RABGAP1L: variants seen among roughly 807,000 people sequenced by gnomAD.
RABGAP1L encodes RAB GTPase activating protein 1 like.
Under a neutral mutation model 137.7 loss-of-function variants are expected in RABGAP1L, and 63 were observed. The observed-to-expected ratio is 0.46, with a 90% confidence interval of 0.37 to 0.56. The LOEUF (loss-of-function observed/expected upper bound fraction) is 0.56, where lower values mean the gene tolerates loss of function less well. Among genes scored for constraint, RABGAP1L ranks in the 20% least tolerant of loss-of-function variants. The pLI is 0.00. For missense variants in RABGAP1L, 1,095 were observed against 1,244.0 expected, an observed-to-expected ratio of 0.88 and a Z score of 1.80; for synonymous variants, 431 against 433.7, an observed-to-expected ratio of 0.99 and a Z score of 0.08.
chr1:174,914,150 T>C (rs929014335), intron 19 of RABGAP1L, among the ~76,000 whole-genome samples: 20 of 152,190 alleles, frequency 1.3e-4, no homozygotes, highest in African/African-American at 4.8e-4. Context: ...GTGATTGCAT[T>C]ATCCTAAAAT....
chr1:174,849,230 A>T (rs747949423), intron 19 of RABGAP1L, among the ~76,000 whole-genome samples: 2 of 152,124 alleles, frequency 1.3e-5, no homozygotes, highest in Non-Finnish European at 2.9e-5. Flanking sequence ...AGCTGTTCCT[A>T]TTCGGCCATC....
intron 5 of RABGAP1L, among the ~76,000 whole-genome samples, chr1:174,249,902 A>G (rs1672581873): frequency 6.6e-6 from 1 of 152,094 alleles, no homozygotes. Context: ...TTGGCCTCCC[A>G]AAGTGCTGGG....
chr1:174,362,015 AC>A (rs1456728251), intron 11 of RABGAP1L, among the ~76,000 whole-genome samples: 3 of 152,170 alleles, frequency 2.0e-5, no homozygotes, highest in Non-Finnish European at 4.4e-5. Flanking sequence ...GCTCCCACTT[AC>A]AAGTGAGAAC....
At chr1:174,487,072 G>A (rs1445268057) in intron 13 of RABGAP1L, among the ~76,000 whole-genome samples, 1 of 151,948 alleles carries the variant, frequency 6.6e-6, no homozygotes, top group South Asian at 2.1e-4. Flanking sequence ...TGATCCATGT[G>A]CTGAGGAAAA....
chr1:174,732,057 C>G (rs2148624118), intron 17 of RABGAP1L, among the ~76,000 whole-genome samples: 1 of 152,262 alleles, frequency 6.6e-6, no homozygotes, highest in South Asian at 2.1e-4. Flanking sequence ...AAAAAATTAG[C>G]TGGGTGTTGT....
At chr1:174,329,915 CTG>C (rs908131475) in intron 11 of RABGAP1L, among the ~76,000 whole-genome samples, 9 of 149,378 alleles carry the variant, frequency 6.0e-5, no homozygotes, top group African/African-American at 2.2e-4. Context: ...TAAAAAAAGA[CTG>C]ATTTGAATAA....
At chr1:174,681,278 A>C (rs1403453973) in intron 14 of RABGAP1L, among the ~76,000 whole-genome samples, 1 of 152,250 alleles carries the variant, frequency 6.6e-6, no homozygotes, top group African/African-American at 2.4e-5. Flanking sequence ...TTACAGCTCT[A>C]TTCATACTAG....
chr1:174,375,047 TATGGC>T (rs1253943227), intron 12 of RABGAP1L, among the ~76,000 whole-genome samples: 9 of 152,088 alleles, frequency 5.9e-5, no homozygotes, highest in African/African-American at 2.2e-4. Flanking sequence ...TATTGGGAGA[TATGGC>T]AAGGTGAGAA....
At chr1:174,842,212 G>A (rs1330851096) in intron 19 of RABGAP1L, among the ~76,000 whole-genome samples, 2 of 152,054 alleles carry the variant, frequency 1.3e-5, no homozygotes, top group Non-Finnish European at 2.9e-5. Flanking sequence ...GCCTCCTTCC[G>A]TCATCATGTT....
At chr1:174,270,081 T>C (rs1227902910) in intron 7 of RABGAP1L, among the ~76,000 whole-genome samples, 1 of 152,186 alleles carries the variant, frequency 6.6e-6, no homozygotes, top group Admixed American at 6.5e-5. Context: ...AAAATAATTA[T>C]GTAATTTAAG....
chr1:174,224,038 C>A (rs891089614), intron 3 of RABGAP1L, among the ~76,000 whole-genome samples: 5 of 152,098 alleles, frequency 3.3e-5, no homozygotes, highest in African/African-American at 1.2e-4. Flanking sequence ...CTTAGTTGTA[C>A]ATAAAAATTA....
At chr1:174,617,816 G>A (rs1465837504) in intron 13 of RABGAP1L, among the ~76,000 whole-genome samples, 7 of 152,294 alleles carry the variant, frequency 4.6e-5, no homozygotes, top group Non-Finnish European at 7.3e-5. Context: ...GGGTGATTTC[G>A]CATTTCCAAC....
At chr1:174,317,228 G>A (rs1244230711) in intron 11 of RABGAP1L, among the ~76,000 whole-genome samples, 1 of 151,682 alleles carries the variant, frequency 6.6e-6, no homozygotes, top group African/African-American at 2.4e-5. Context: ...TTTTCCCATA[G>A]CCACTACAGC....
intron 11 of RABGAP1L, among the ~76,000 whole-genome samples, chr1:174,342,762 T>C (rs1682085064): frequency 6.6e-6 from 1 of 151,148 alleles, no homozygotes; most frequent in Non-Finnish European, 1.5e-5. Context: ...TTTTTTGAGA[T>C]GGAGTCTTGC....
chr1:174,332,981 C>A (rs999573518), intron 11 of RABGAP1L, among the ~76,000 whole-genome samples: 2 of 152,188 alleles, frequency 1.3e-5, no homozygotes, highest in African/African-American at 4.8e-5. Context: ...AAATACTATT[C>A]AGTCATAAAA....
intron 1 of RABGAP1L, among the ~76,000 whole-genome samples, chr1:174,208,870 A>G (rs1302415730): frequency 6.6e-6 from 1 of 152,178 alleles, no homozygotes; most frequent in Non-Finnish European, 1.5e-5. Flanking sequence ...TTACCAGTGA[A>G]GTCATCTTTG....
chr1:174,899,349 C>T (rs1348459719), intron 19 of RABGAP1L, among the ~76,000 whole-genome samples: 1 of 152,122 alleles, frequency 6.6e-6, no homozygotes, highest in Non-Finnish European at 1.5e-5. Flanking sequence ...TTATAAAGAA[C>T]CCTGCTATTT....
chr1:174,816,734 CT>C (rs59080997), intron 19 of RABGAP1L, among the ~76,000 whole-genome samples: 37 of 138,266 alleles, frequency 2.7e-4, no homozygotes, highest in African/African-American at 2.7e-4. Context: ...AGAAACAAGT[CT>C]TTTTTTTTTT....
intron 19 of RABGAP1L, chr1:174,935,505 C>T (rs1664619324): frequency 1.3e-5 from 2 of 152,096 alleles, no homozygotes; most frequent in East Asian, 3.9e-4. Context: ...AAATCATTAA[C>T]ACTGAAAAAG....
Sources: allele counts gnomAD v4.1 joint callset (sites outside exome capture counted in the v4.1 genomes callset), GRCh38; gene constraint gnomAD v4.1.1; transcripts MANE v1.5; gene names NCBI Gene and HGNC (gene_info 2026-07-23, HGNC 2026-07-21).